The following TMTC2 variants were observed in gnomAD, a reference collection of about 807,000 sequenced individuals.
The protein encoded by TMTC2 is protein O-mannosyl-transferase TMTC2.
A neutral mutation model predicts 82.4 loss-of-function variants in TMTC2; 43 were observed. The ratio of observed to expected loss-of-function variants is 0.52; its 90% CI spans 0.41 to 0.67. The LOEUF (loss-of-function observed/expected upper bound fraction) is 0.67, where lower values mean the gene tolerates loss of function less well. TMTC2 is among the 30% of genes least tolerant of loss of function. The probability of loss-of-function intolerance (pLI) is 0.00; values close to 1 mark genes in which losing one functional copy is unlikely to be tolerated. For missense variants in TMTC2, 919 were observed against 1,012.4 expected, an observed-to-expected ratio of 0.91 and a Z score of 1.25; for synonymous variants, 408 against 381.9, an observed-to-expected ratio of 1.07 and a Z score of -0.80.
chr12:83,051,292 TTTTC>T (rs994678021), intron 10 of TMTC2, among the ~76,000 whole-genome samples: 42 of 152,164 alleles, frequency 2.8e-4, no homozygotes, highest in African/African-American at 9.6e-4. Context: ...GTGCTTTGCT[TTTTC>T]TTTCTTTTTT....
chr12:82,894,171 G>C (rs761490463), intron 2 of TMTC2, among the ~76,000 whole-genome samples: 4 of 152,290 alleles, frequency 2.6e-5, no homozygotes, highest in African/African-American at 7.2e-5. Context: ...AGAATTTGAG[G>C]TATCTAAGTG....
At chr12:82,764,772 C>A (rs1876850456) in intron 1 of TMTC2, among the ~76,000 whole-genome samples, 1 of 62,620 alleles carries the variant, frequency 1.6e-5, no homozygotes, top group Non-Finnish European at 3.4e-5. Context: ...TAAAAGTACA[C>A]AATTTTCATG....
At chr12:82,974,874 C>T (rs897491530) in intron 7 of TMTC2, among the ~76,000 whole-genome samples, 1 of 152,148 alleles carries the variant, frequency 6.6e-6, no homozygotes. Flanking sequence ...CTCTTTGTAG[C>T]ATTCCTTCCC....
chr12:82,880,516 G>A (rs1435209279), intron 2 of TMTC2, among the ~76,000 whole-genome samples: 1 of 152,214 alleles, frequency 6.6e-6, no homozygotes, highest in Admixed American at 6.5e-5. Context: ...GCATGTTTAA[G>A]TAGGGAGTAA....
At chr12:83,045,040 G>A (rs1378145220) in intron 9 of TMTC2, among the ~76,000 whole-genome samples, 1 of 152,150 alleles carries the variant, frequency 6.6e-6, no homozygotes, top group Non-Finnish European at 1.5e-5. Flanking sequence ...TGAAATGTTG[G>A]TAAAAATCTA....
intron 8 of TMTC2, among the ~76,000 whole-genome samples, chr12:82,995,264 A>G (rs1175813347): frequency 6.6e-6 from 1 of 152,034 alleles, no homozygotes; most frequent in Admixed American, 6.6e-5. Context: ...ATTTCTTCTC[A>G]AGTAGTTGGG....
chr12:82,982,234 C>A (rs147952286), intron 7 of TMTC2, among the ~76,000 whole-genome samples: 1 of 151,882 alleles, frequency 6.6e-6, no homozygotes, highest in African/African-American at 2.4e-5. Context: ...ATTAACTGTC[C>A]TTGTGCAAGT....
chr12:82,930,617 G>A, intron 4 of TMTC2, 72 bp downstream of exon 4: 2 of 883,728 alleles, frequency 2.3e-6, no homozygotes, highest in South Asian at 3.4e-5. Context: ...TGATTTAACT[G>A]CTGGAAATGG....
intron 1 of TMTC2, among the ~76,000 whole-genome samples, chr12:82,820,059 A>T (rs1313694889): frequency 2.0e-5 from 3 of 152,172 alleles, no homozygotes; most frequent in African/African-American, 7.2e-5. Context: ...AAGAACTTGG[A>T]GTCCGATGTT....
intron 11 of TMTC2, among the ~76,000 whole-genome samples, chr12:83,115,015 G>A (rs576793699): frequency 3.3e-5 from 5 of 151,852 alleles, no homozygotes; most frequent in Admixed American, 6.6e-5. Flanking sequence ...TATTATAAGC[G>A]CAAATCTCAA....
chr12:83,048,026 T>C (rs555874365), intron 9 of TMTC2, among the ~76,000 whole-genome samples: 20 of 152,336 alleles, frequency 1.3e-4, no homozygotes, highest in African/African-American at 4.8e-4. Flanking sequence ...AGTTAATAGC[T>C]GCCTGTAAAG....
At chr12:82,800,418 T>C (rs1038605765) in intron 1 of TMTC2, among the ~76,000 whole-genome samples, 2 of 152,180 alleles carry the variant, frequency 1.3e-5, no homozygotes, top group Non-Finnish European at 2.9e-5. Context: ...ATTCAGCTTG[T>C]GTGTCTGGAC....
chr12:83,118,298 C>T (rs890807222), intron 11 of TMTC2, among the ~76,000 whole-genome samples: 1 of 152,000 alleles, frequency 6.6e-6, no homozygotes, highest in Non-Finnish European at 1.5e-5. Flanking sequence ...TATTATGTTG[C>T]CTGTAGGTTC....
chr12:82,686,974 G>C lies in TMTC2; in HGVS notation c.-613G>C, dbSNP rs1314399038. 1 of 120,994 alleles carries C rather than the reference G, an allele frequency of 8.3e-6. No individual in the cohort carries two copies. Among genetic ancestry groups the C allele is most frequent in the Non-Finnish European group, 2.1e-5 (1 of 47,688 alleles). The allele number at this position is 120,994 out of a possible 1,614,324, so 7.5% of individuals were successfully genotyped here. On this transcript the variant is annotated 5_prime_UTR_variant, in exon 1 of 12. Transcript: ENST00000321196. ...CTCACTTCACTGGAGAAGGGAGCTG[G>C]GGCTGGGGCTGGGGCTGGGGCTGGG...
rs1168139328 is a variant in TMTC2 at position 83,133,161 on chromosome 12, C to T, written c.*772C>T. ...TTTTAATATCGTCAATATTTTCCCC[C>T]AAACTGCCCAGTAGAATTCATTGTA... On this transcript the variant is annotated 3_prime_UTR_variant, in exon 12 of 12. Coordinates refer to ENST00000321196, the MANE Select transcript of TMTC2 (RefSeq NM_152588.3). The T allele has an allele frequency of 6.6e-6, 1 of 152,162 alleles. No individual in the cohort carries two copies. Among genetic ancestry groups the T allele is most frequent in the East Asian group, 1.9e-4 (1 of 5,200 alleles). The allele number at this position is 152,162 out of a possible 1,614,324, so 9.4% of individuals were successfully genotyped here.
At chr12:83,112,845 A>G (rs1423020153) in intron 11 of TMTC2, among the ~76,000 whole-genome samples, 3 of 152,200 alleles carry the variant, frequency 2.0e-5, no homozygotes, top group African/African-American at 7.2e-5. Flanking sequence ...TGCCAATACA[A>G]AAGTATGTTT....
chr12:83,077,282 G>A (rs1448379978), intron 11 of TMTC2, among the ~76,000 whole-genome samples: 1 of 152,170 alleles, frequency 6.6e-6, no homozygotes, highest in African/African-American at 2.4e-5. Context: ...GCTATGCCTG[G>A]AGGATAGGCA....
intron 1 of TMTC2, among the ~76,000 whole-genome samples, chr12:82,744,010 G>A (rs1316263414): frequency 3.9e-5 from 6 of 152,150 alleles, no homozygotes; most frequent in South Asian, 2.1e-4. Flanking sequence ...ATGGTTGCTC[G>A]CACCTTTAAT....
chr12:82,907,691 C>T (rs1241696864), intron 3 of TMTC2, among the ~76,000 whole-genome samples: 1 of 152,074 alleles, frequency 6.6e-6, no homozygotes. Flanking sequence ...GCTTTTGAAA[C>T]CTTCAAACCT....
Sources: gnomAD v4.1 joint callset for allele counts (sites outside exome capture counted in the v4.1 genomes callset) on GRCh38, gnomAD v4.1.1 for gene constraint, MANE v1.5 for transcripts, NCBI Gene and HGNC (gene_info 2026-07-23, HGNC 2026-07-21) for gene names.